The following MUS81 variants were observed in gnomAD, a reference collection of about 807,000 sequenced individuals.
The protein encoded by MUS81 is MUS81 structure-specific endonuclease subunit.
A neutral mutation model predicts 74.2 loss-of-function variants in MUS81; 69 were observed. The ratio of observed to expected loss-of-function variants is 0.93; its 90% CI spans 0.77 to 1.14. The LOEUF (loss-of-function observed/expected upper bound fraction) is 1.14. MUS81 is among the 50% of genes most tolerant of loss of function. MUS81 has a pLI of 0.00. For missense variants in MUS81, 711 were observed against 726.5 expected, an observed-to-expected ratio of 0.98 and a Z score of 0.25; for synonymous variants, 303 against 300.6, an observed-to-expected ratio of 1.01 and a Z score of -0.08.
rs1027023719 is a variant in MUS81 at position 65,860,709 on chromosome 11, C to T, written c.-45C>T. ...TCCCGACTCCAGAACTGGCGGCGTC[C>T]CAGTCCCGCGGGCGTGGAGCGCCGG... On this transcript the variant is annotated 5_prime_UTR_variant, in exon 1 of 16. Transcript: ENST00000308110. 1.7e-5 allele frequency: 26 copies of T among 1,532,508 alleles called. No homozygotes were observed. The highest frequency in any genetic ancestry group is 4.8e-5 in the South Asian group (4 of 83,906). The allele number at this position is 1,532,508 out of a possible 1,614,324, so 94.9% of individuals were successfully genotyped here. A position where few individuals can be genotyped will look rare whatever the true frequency, so the allele number is the denominator to read the frequency against.
At chr11:65,863,226 GT>G in intron 7 of MUS81, 21 bp downstream of exon 7, 1 of 1,605,588 alleles carries the variant, frequency 6.2e-7, no homozygotes, top group Non-Finnish European at 8.5e-7. Flanking sequence ...GGGCAGAGGA[GT>G]GGGGAAAACA....
rs1467228517 is a variant in MUS81 at position 65,863,207 on chromosome 11, TGAG to T, written c.746+10_746+12del. On this transcript the variant is annotated splice_donor_5th_base_variant and intron_variant, in intron 7 of 15. Coordinates refer to ENST00000308110, the MANE Select transcript of MUS81 (RefSeq NM_025128.5). ...GCCAGGAGCAGCTTCAGCAGAGCTGTGAGGAGGAGGGCAGAGGAGTGGGGAAAA... is the reference window on the plus strand; with the variant it reads ...GCCAGGAGCAGCTTCAGCAGAGCTGTGAGGAGGGCAGAGGAGTGGGGAAAA... The T allele has an allele frequency of 1.9e-6, 3 of 1,611,138 alleles. No individual in the cohort carries two copies. In the Admixed American group the frequency reaches 5.0e-5, roughly 27 times the overall value.
At position 65,860,560 on chromosome 11, in the gene MUS81, G is replaced by T; in HGVS notation, c.-194G>T. The T allele has an allele frequency of 1.5e-6, 1 of 683,702 alleles. No individual in the cohort carries two copies. The highest frequency in any genetic ancestry group is 2.7e-5 in the East Asian group (1 of 36,586). 42.4% of individuals were successfully genotyped at this position (683,702 alleles called of 1,614,324 possible). On this transcript the variant is annotated 5_prime_UTR_variant, in exon 1 of 16. Transcript: ENST00000308110. ...TGACCAACCACTTAGAGCAGCGCAG[G>T]GGTGGGAGGGCGGCCGCAGGCTCTC... is the stretch of plus-strand genomic sequence containing the variant.
At position 65,864,793 on chromosome 11, in the gene MUS81, G is replaced by C. The variant is rs767593729; in HGVS notation, c.1250G>C (p.Arg417Pro). 6.2e-7 allele frequency: 1 copy of C among 1,612,906 alleles called. No individual in the cohort carries two copies. The highest frequency in any genetic ancestry group is 8.5e-7 in the Non-Finnish European group (1 of 1,179,818). The change falls in exon 12 of 16, where the codon CGG (arginine) becomes CCG (proline). Residue 417 changes from arginine (R) to proline (P), a missense_variant. By Grantham distance (103) the Arg-to-Pro change is moderately radical. Transcript: ENST00000308110. ...GCCGCCTACCTGGCCCTCTTGACGC[G>C]GGGCCTGCAGAGACTCTACCAGGTG... ...ESAAYLALLT[R>P]GLQRLYQGHT...
downstream of MUS81, chr11:65,867,296 C>G (rs893013131): frequency 1.7e-6 from 1 of 603,382 alleles, no homozygotes; most frequent in Non-Finnish European, 2.9e-6. Flanking sequence ...GCTCTTCTCA[C>G]CCTCTCCAGC....
rs1176165002 is a variant in MUS81, at chr11:65,863,507, G to A, written c.839+5G>A. The stretch of plus-strand genomic sequence containing the variant: ...GGACATTGGCGAGACCCGGGGGTGA[G>A]TGAGGTGGGGAGAAACGAGGGAGAT... On this transcript the variant is annotated splice_donor_5th_base_variant and intron_variant, in intron 8 of 15. Transcript: ENST00000308110. 6.2e-6 allele frequency: 10 copies of A among 1,614,052 alleles called. No individual in the cohort carries two copies. Among genetic ancestry groups the A allele is most frequent in the East Asian group, 2.2e-5 (1 of 44,894 alleles).
upstream of MUS81, among the ~76,000 whole-genome samples, chr11:65,859,889 GCTT>G (rs1859514501): frequency 1.3e-5 from 2 of 152,162 alleles, no homozygotes; most frequent in Non-Finnish European, 2.9e-5. Context: ...CTGTGTCTGG[GCTT>G]CTTAACCCGC....
chr11:65,860,821 G>T lies in MUS81; in HGVS notation c.68G>T (p.Arg23Leu). The T allele has an allele frequency of 6.5e-7, 1 of 1,549,414 alleles. No homozygotes were observed. The highest frequency in any genetic ancestry group is 8.7e-7 in the Non-Finnish European group (1 of 1,149,790). Reference protein sequence around the residue: ...LPACPNPLFVRWLTEWRDEAT... With the variant: ...LPACPNPLFVLWLTEWRDEAT... ...GCCTGTCCCAACCCGCTCTTCGTTC[G>T]CTGGCTGACCGAGTGGCGGGACGAG... is the stretch of plus-strand genomic sequence containing the variant. The change falls in exon 1 of 16, where the codon CGC (arginine) becomes CTC (leucine). Residue 23 changes from arginine to leucine, a missense_variant. Transcript: ENST00000308110.
chr11:65,862,546 G>C lies in MUS81; in HGVS notation c.605+17G>C. ...GCCAGCCAGGTGGGGCCAACTGCAG[G>C]AGATACAGGAGAGCATGAGTGAACT... On this transcript the variant is annotated intron_variant, in intron 6 of 15. Coordinates refer to ENST00000308110, the MANE Select transcript of MUS81 (RefSeq NM_025128.5). 1 of 1,609,904 alleles carries C rather than the reference G, an allele frequency of 6.2e-7. No homozygotes were observed. Among genetic ancestry groups the C allele is most frequent in the South Asian group, 1.1e-5 (1 of 91,004 alleles).
chr11:65,861,475 T>G (rs1591054509), intron 3 of MUS81, 40 bp downstream of exon 3: 1 of 1,524,880 alleles, frequency 6.6e-7, no homozygotes, highest in East Asian at 2.4e-5. Flanking sequence ...AAAGTGGGAG[T>G]GCGGGAGTAT....
At chr11:65,864,184 G>T (rs898061465) in intron 10 of MUS81, 2 of 586,458 alleles carry the variant, frequency 3.4e-6, no homozygotes, top group Admixed American at 6.0e-5. Context: ...AAACCTCCAG[G>T]AGTGGAAATA....
At chr11:65,862,628 G>GC (rs1555040517) in intron 6 of MUS81, 99 bp downstream of exon 6, 8 of 1,080,454 alleles carry the variant, frequency 7.4e-6, no homozygotes, top group African/African-American at 5.0e-5. Context: ...TGTTGAGATT[G>GC]GGGGGGGTGG....
At chr11:65,863,962 A>T in intron 10 of MUS81, 61 bp downstream of exon 10, 1 of 1,557,226 alleles carries the variant, frequency 6.4e-7, no homozygotes, top group Non-Finnish European at 8.8e-7. Flanking sequence ...TTCAGCCCAG[A>T]GCAATCCAGG....
At position 65,861,366 on chromosome 11, in the gene MUS81, C is replaced by A. The variant is rs374161707; in HGVS notation, c.282C>A (p.Asp94Glu). The part of the protein sequence containing the change: ...HRTSGGDHAP[D>E]SPSGENSPAP... ...CTCCCGCAGGTGACCATGCCCCGGA[C>A]TCACCATCTGGAGAGAACAGTCCAG... Residue 94 changes from aspartate (D) to glutamate (E), a missense_variant, in exon 3 of 16, where the codon GAC becomes GAA. By Grantham distance (45) the Asp-to-Glu change is conservative. Transcript: ENST00000308110. 4 of 1,600,202 alleles carry A rather than the reference C, an allele frequency of 2.5e-6. No homozygotes were observed. The highest frequency in any genetic ancestry group is 2.6e-6 in the Non-Finnish European group (3 of 1,172,090).
rs957471087 is a variant in MUS81 at position 65,860,808 on chromosome 11, C to G, written c.55C>G (p.Pro19Ala). The G allele has an allele frequency of 6.5e-7, 1 of 1,545,974 alleles. No individual in the cohort carries two copies. The highest frequency in any genetic ancestry group is 1.4e-5 in the African/African-American group (1 of 73,308). Residue 19 changes from proline to alanine, a missense_variant, in exon 1 of 16, where the codon CCG (proline) becomes GCG (alanine). By Grantham distance (27) the Pro-to-Ala change is conservative. Transcript: ENST00000308110. ...RKRPLPACPNPLFVRWLTEWR... is the reference protein window; with the variant it reads ...RKRPLPACPNALFVRWLTEWR... ...GCGCCCGCTGCCTGCCTGTCCCAAC[C>G]CGCTCTTCGTTCGCTGGCTGACCGA...
At chr11:65,865,935 TG>T (rs1289606879) in intron 15 of MUS81, 41 bp downstream of exon 15, 10 of 1,613,910 alleles carry the variant, frequency 6.2e-6, no homozygotes, top group Non-Finnish European at 8.5e-6. Context: ...TGGCAGGGAC[TG>T]GGGCTGCCCT....
rs1565264532 is a variant in MUS81, at chr11:65,861,072, GAGCGGCTGC to G, written c.242_250del (p.Leu81_Arg83del). 4 of 1,612,598 alleles carry G rather than the reference GAGCGGCTGC, an allele frequency of 2.5e-6. No individual in the cohort carries two copies. In the South Asian group the frequency reaches 4.4e-5, roughly 18 times the overall value. Reference sequence around the variant, plus strand: ...AGACGGGCTCTGCCGGATGCTGGACGAGCGGCTGCAGCGGCACCGAACATCGGGCGGTGA... The same window carrying G: ...AGACGGGCTCTGCCGGATGCTGGACGAGCGGCACCGAACATCGGGCGGTGA... On this transcript the variant is annotated inframe_deletion, in exon 2 of 16. Coordinates refer to ENST00000308110, the MANE Select transcript of MUS81 (RefSeq NM_025128.5).
At position 65,860,652 on chromosome 11, in the gene MUS81, T is replaced by TC; in HGVS notation, c.-97dup. 1.3e-6 allele frequency: 2 copies of TC among 1,497,224 alleles called. No individual in the cohort carries two copies. Among genetic ancestry groups the TC allele is most frequent in the Non-Finnish European group, 1.8e-6 (2 of 1,115,208 alleles). The allele number at this position is 1,497,224 out of a possible 1,614,324, so 92.7% of individuals were successfully genotyped here. A position where few individuals can be genotyped will look rare whatever the true frequency, so the allele number is the denominator to read the frequency against. ...ACGGTCCTGCCCTCGGTCTCCCTCT[T>TC]CCCCCGCCCCGCCCTGGGCCAGGTG... On this transcript the variant is annotated 5_prime_UTR_variant, in exon 1 of 16. Transcript: ENST00000308110.
At position 65,861,379 on chromosome 11, in the gene MUS81, G is replaced by C; in HGVS notation, c.295G>C (p.Glu99Gln). 6.2e-7 allele frequency: 1 copy of C among 1,603,040 alleles called. No homozygotes were observed. Among genetic ancestry groups the C allele is most frequent in the Non-Finnish European group, 8.5e-7 (1 of 1,173,768 alleles). The stretch of plus-strand genomic sequence containing the variant: ...CCATGCCCCGGACTCACCATCTGGA[G>C]AGAACAGTCCAGCCCCGCAGGGGCG... ...GDHAPDSPSGENSPAPQGRLA... is the reference protein window; with the variant it reads ...GDHAPDSPSGQNSPAPQGRLA... The change falls in exon 3 of 16, where the codon GAG becomes CAG. Residue 99 changes from glutamate (E) to glutamine (Q), a missense_variant. By Grantham distance (29) the Glu-to-Gln change is conservative (BLOSUM62 2). Coordinates refer to ENST00000308110, the MANE Select transcript of MUS81 (RefSeq NM_025128.5).
Sources: gnomAD v4.1 joint callset for allele counts (sites outside exome capture counted in the v4.1 genomes callset) on GRCh38, gnomAD v4.1.1 for gene constraint, MANE v1.5 for transcripts, NCBI Gene and HGNC (gene_info 2026-07-23, HGNC 2026-07-21) for gene names.